The following SLCO5A1 variants were observed in gnomAD, a reference collection of about 807,000 sequenced individuals.
SLCO5A1 encodes solute carrier organic anion transporter family member 5A1.
Under a neutral mutation model 65.1 loss-of-function variants are expected in SLCO5A1, and 39 were observed. The ratio of observed to expected loss-of-function variants is 0.60; its 90% CI spans 0.46 to 0.78. The LOEUF is 0.78. Among genes scored for constraint, SLCO5A1 ranks in the 30% least tolerant of loss-of-function variants. SLCO5A1 has a pLI of 0.00. For missense variants in SLCO5A1, 1,029 were observed against 1,069.4 expected (o/e 0.96, Z 0.53); for synonymous variants, 438 against 415.7 (o/e 1.05, Z -0.65).
chr8:69,692,174 G>A lies in SLCO5A1; in HGVS notation c.1623-9831C>T, dbSNP rs530242780. The stretch of plus-strand genomic sequence containing the variant: ...TGAGGCAGGAGAATGGCATGAACCC[G>A]GGAGGCGGAGCTTGCAGTGAGCCAA... On this transcript the variant is annotated intron_variant, in intron 6 of 9. Transcript: ENST00000260126. Among the ~76,000 whole-genome samples the A allele has an allele frequency of 1.6e-3, 248 of 152,294 alleles. 1 individual carries two copies. Among genetic ancestry groups the A allele is most frequent in the Non-Finnish European group, 2.0e-3 (134 of 68,012 alleles).
At chr8:69,762,989 C>T (rs1247827830) in intron 2 of SLCO5A1, among the ~76,000 whole-genome samples, 2 of 152,108 alleles carry the variant, frequency 1.3e-5, no homozygotes, top group African/African-American at 2.4e-5. Flanking sequence ...AAAAGGTTGT[C>T]ACTGTATCCA....
intron 2 of SLCO5A1, among the ~76,000 whole-genome samples, chr8:69,763,661 G>GGAAAAAA (rs1817913106): frequency 1.2e-5 from 1 of 80,650 alleles, no homozygotes; most frequent in Non-Finnish European, 2.7e-5. Context: ...AGGGTGTATA[G>GGAAAAAA]CAAACAACAA....
chr8:69,713,953 G>A (rs1385948990), intron 5 of SLCO5A1: 1 of 152,192 alleles, frequency 6.6e-6, no homozygotes, highest in Non-Finnish European at 1.5e-5. Flanking sequence ...TAGGAAATAA[G>A]TATCAACTAC....
At chr8:69,777,337 A>C (rs1343056403) in intron 2 of SLCO5A1, among the ~76,000 whole-genome samples, 2 of 152,160 alleles carry the variant, frequency 1.3e-5, no homozygotes, top group African/African-American at 4.8e-5. Flanking sequence ...ATGAAATTCT[A>C]GAAAACGTGA....
At chr8:69,684,470 A>G (rs1813923749) in intron 6 of SLCO5A1, among the ~76,000 whole-genome samples, 1 of 152,180 alleles carries the variant, frequency 6.6e-6, no homozygotes, top group African/African-American at 2.4e-5. Flanking sequence ...TGCTAATTAT[A>G]TGCTAATTAT....
intron 5 of SLCO5A1, among the ~76,000 whole-genome samples, chr8:69,733,629 G>C (rs553587065): frequency 2.6e-5 from 4 of 152,198 alleles, no homozygotes; most frequent in Non-Finnish European, 5.9e-5. Flanking sequence ...TGTGATCGTG[G>C]TGGTGGTTCC....
intron 6 of SLCO5A1, chr8:69,700,315 T>G (rs1322180916): frequency 6.6e-6 from 1 of 152,350 alleles, no homozygotes; most frequent in African/African-American, 2.4e-5. Context: ...GGTGTGCCCC[T>G]GCCTCCCTCA....
chr8:69,682,164 A>T lies in SLCO5A1; in HGVS notation c.1782+20T>A. On this transcript the variant is annotated intron_variant, in intron 7 of 9. Transcript: ENST00000260126. ...CAGGATGTTGGACTAACAGAAGAGG[A>T]ACTTGTGAAATATACTCACCCCAGT... 6.3e-7 allele frequency: 1 copy of T among 1,594,902 alleles called. No homozygotes were observed. The highest frequency in any genetic ancestry group is 8.5e-7 in the Non-Finnish European group (1 of 1,172,730).
intron 8 of SLCO5A1, among the ~76,000 whole-genome samples, chr8:69,677,875 C>T (rs1484677250): frequency 6.6e-6 from 1 of 152,144 alleles, no homozygotes; most frequent in African/African-American, 2.4e-5. Flanking sequence ...GAACTGACTC[C>T]CTTTCTTCAT....
chr8:69,744,787 T>A (rs1443441264), intron 4 of SLCO5A1, among the ~76,000 whole-genome samples: 1 of 152,194 alleles, frequency 6.6e-6, no homozygotes, highest in African/African-American at 2.4e-5. Flanking sequence ...CAAAGAGACA[T>A]AATTTCCTCC....
intron 2 of SLCO5A1, among the ~76,000 whole-genome samples, chr8:69,825,112 T>C (rs1164814195): frequency 1.3e-5 from 2 of 152,230 alleles, no homozygotes; most frequent in African/African-American, 4.8e-5. Flanking sequence ...AAATTAGGTA[T>C]TGATGGGATG....
chr8:69,775,233 C>T (rs11994396), intron 2 of SLCO5A1, among the ~76,000 whole-genome samples: 2 of 152,102 alleles, frequency 1.3e-5, no homozygotes, highest in Non-Finnish European at 2.9e-5. Flanking sequence ...TCACTAACTT[C>T]CTTTAGAAAT....
intron 2 of SLCO5A1, among the ~76,000 whole-genome samples, chr8:69,779,018 T>G (rs1818693576): frequency 6.6e-6 from 1 of 152,186 alleles, no homozygotes; most frequent in African/African-American, 2.4e-5. Context: ...ATGGATTCAT[T>G]TATGTATAGT....
chr8:69,674,164 C>T (rs1339350324), intron 9 of SLCO5A1, among the ~76,000 whole-genome samples: 2 of 152,194 alleles, frequency 1.3e-5, no homozygotes, highest in African/African-American at 4.8e-5. Flanking sequence ...TTGGATCTAC[C>T]TCCATTTTAT....
intron 4 of SLCO5A1, among the ~76,000 whole-genome samples, chr8:69,739,688 T>TA (rs1168941676): frequency 2.6e-5 from 4 of 152,140 alleles, no homozygotes; most frequent in Non-Finnish European, 5.9e-5. Context: ...TATTTTAATT[T>TA]AATTTCTAAA....
In SLCO5A1 at chr8:69,682,330, T is replaced by C; in HGVS notation, c.1636A>G (p.Met546Val). 6.2e-7 allele frequency: 1 copy of C among 1,604,254 alleles called. No homozygotes were observed. Among genetic ancestry groups the C allele is most frequent in the East Asian group, 2.3e-5 (1 of 44,196 alleles). Residue 546 changes from methionine to valine, a missense_variant, in exon 7 of 10, where the codon ATG becomes GTG. Around this residue, in one of 3 missense-constraint regions of SLCO5A1, gnomAD observed 124 missense variants for 184.5 expected, o/e 0.67. Coordinates refer to ENST00000260126, the MANE Select transcript of SLCO5A1 (RefSeq NM_030958.3). Reference sequence around the variant, plus strand: ...CTTCCTGTCAGATTCCTATGGGGCATGGTGAGAGAAGGTCTAAGAGAGAAG... The same window carrying C: ...CTTCCTGTCAGATTCCTATGGGGCACGGTGAGAGAAGGTCTAAGAGAGAAG... ...IPYTTGPSLT[M>V]PHRNLTGSCN...
chr8:69,695,271 G>GATC lies in SLCO5A1; in HGVS notation c.1622+9757_1622+9759dup, dbSNP rs537723556. 3.3e-4 allele frequency among the ~76,000 whole-genome samples: 51 copies of GATC among 152,260 alleles called. No individual in the cohort carries two copies. The East Asian group carries it at 9.5e-3, about 28-fold the overall frequency. ...GCACTTTGGGAGGCAGAGGCAGGCG[G>GATC]ATCACGTAAGGTCAGGAGTTCAAGA... On this transcript the variant is annotated intron_variant, in intron 6 of 9. Coordinates refer to ENST00000260126, the MANE Select transcript of SLCO5A1 (RefSeq NM_030958.3).
At chr8:69,768,840 C>A (rs562720598) in intron 2 of SLCO5A1, among the ~76,000 whole-genome samples, 3 of 151,996 alleles carry the variant, frequency 2.0e-5, no homozygotes, top group Non-Finnish European at 4.4e-5. Context: ...AGATACCAAC[C>A]CAACTGAAGC....
At chr8:69,825,639 C>G (rs1820851182) in intron 2 of SLCO5A1, among the ~76,000 whole-genome samples, 1 of 152,158 alleles carries the variant, frequency 6.6e-6, no homozygotes, top group African/African-American at 2.4e-5. Context: ...AGGACACAAA[C>G]AAATGGAAGA....
Sources: gnomAD v4.1 joint callset for allele counts (sites outside exome capture counted in the v4.1 genomes callset) on GRCh38, gnomAD v4.1.1 for gene constraint, gnomAD v4.1.1 regional missense constraint, MANE v1.5 for transcripts, NCBI Gene and HGNC (gene_info 2026-07-23, HGNC 2026-07-21) for gene names.